TMEM120B: variants seen among roughly 807,000 people sequenced by gnomAD.
The protein encoded by TMEM120B is transmembrane protein 120B.
A neutral mutation model predicts 55.5 loss-of-function variants in TMEM120B; 31 were observed. That is an observed-to-expected ratio of 0.56 (90% CI 0.42 to 0.75). TMEM120B has a LOEUF of 0.75. Ranked by LOEUF, TMEM120B falls within the 30% of genes least tolerant of loss-of-function variation. The pLI, the probability that TMEM120B is intolerant of heterozygous loss-of-function variation, is 0.00. For missense variants in TMEM120B, 399 were observed against 425.5 expected (o/e 0.94, Z 0.55); for synonymous variants, 203 against 176.3 (o/e 1.15, Z -1.20).
chr12:121,757,141 G>T (rs917180083), intron 5 of TMEM120B, among the ~76,000 whole-genome samples: 3 of 18,006 alleles, frequency 1.7e-4, no homozygotes, highest in African/African-American at 4.2e-4. Context: ...CCTGGGCGGT[G>T]GGGGGGGGGG....
rs56702857 is a variant in TMEM120B at position 121,721,804 on chromosome 12, CTTTTTTTTTT to C, written c.69+8853_69+8862del. 2.7e-3 allele frequency among the ~76,000 whole-genome samples: 244 copies of C among 91,856 alleles called. 3 individuals are homozygous for C. Among genetic ancestry groups the C allele is most frequent in the African/African-American group, 0.011 (223 of 21,110 alleles). The allele number at this position is 91,856 out of a possible 152,430, so 60.3% of individuals were successfully genotyped here. A position where few individuals can be genotyped will look rare whatever the true frequency, so the allele number is the denominator to read the frequency against. On this transcript the variant is annotated intron_variant, in intron 1 of 11. Coordinates refer to ENST00000449592, the MANE Select transcript of TMEM120B (RefSeq NM_001080825.2). ...TTTTTTTTGAATGGAATCAGTTCTA[CTTTTTTTTTT>C]TTTTTTTTTTTTGAGACAGCGTCTT... is the stretch of plus-strand genomic sequence containing the variant.
At chr12:121,769,774 G>A (rs899250485) in intron 6 of TMEM120B, among the ~76,000 whole-genome samples, 1 of 151,598 alleles carries the variant, frequency 6.6e-6, no homozygotes, top group Non-Finnish European at 1.5e-5. Context: ...TTGAGCAGCT[G>A]CTTGGAACCC....
At chr12:121,749,872 G>A (rs1210046998) in intron 3 of TMEM120B, among the ~76,000 whole-genome samples, 3 of 149,670 alleles carry the variant, frequency 2.0e-5, no homozygotes, top group Non-Finnish European at 4.4e-5. Context: ...TGCCACTGCA[G>A]TCCAGTCTGG....
chr12:121,760,320 C>T (rs1873632039), intron 5 of TMEM120B, among the ~76,000 whole-genome samples: 1 of 151,670 alleles, frequency 6.6e-6, no homozygotes, highest in South Asian at 2.1e-4. Flanking sequence ...AAGTAAAGTA[C>T]ACTTAGAAGA....
At chr12:121,726,907 CAAAAAAA>C (rs71305665) in intron 1 of TMEM120B, among the ~76,000 whole-genome samples, 5 of 73,712 alleles carry the variant, frequency 6.8e-5, no homozygotes, top group East Asian at 3.9e-4. Context: ...GACTCTGTCT[CAAAAAAA>C]AAAAAAAAAA....
chr12:121,772,761 T>G (rs1874107211), intron 8 of TMEM120B, among the ~76,000 whole-genome samples: 1 of 152,220 alleles, frequency 6.6e-6, no homozygotes. Context: ...CATTTTAAGT[T>G]AAAACCTGCT....
chr12:121,758,947 C>T (rs546986985), intron 5 of TMEM120B: 122 of 983,810 alleles, frequency 1.2e-4, no homozygotes, highest in Admixed American at 2.5e-4. Flanking sequence ...GGCCCAGCCC[C>T]GCGCTGTGGT....
intron 6 of TMEM120B, among the ~76,000 whole-genome samples, chr12:121,768,492 G>A (rs979405054): frequency 5.9e-5 from 9 of 152,176 alleles, no homozygotes; most frequent in Non-Finnish European, 8.8e-5. Context: ...TACGATGTGC[G>A]TATGCGAGAC....
chr12:121,716,017 G>A (rs1592920318), intron 1 of TMEM120B, among the ~76,000 whole-genome samples: 1 of 149,962 alleles, frequency 6.7e-6, no homozygotes, highest in African/African-American at 2.5e-5. Flanking sequence ...TTGGGAGCTC[G>A]GTGCATTGGC....
In TMEM120B at chr12:121,775,914, TATTTAATGCTGGGTCCCCC is replaced by T. The variant is rs1382973521; in HGVS notation, c.*195_*213del. ...AGTGTCCGCCCACCTATTTATGACA[TATTTAATGCTGGGTCCCCC>T]ATCGTCCCTGGAACCCGAGGCCTCA... On this transcript the variant is annotated 3_prime_UTR_variant, in exon 12 of 12. Transcript: ENST00000449592. The surrounding 1 kb of genome is among the most constrained non-coding windows in gnomAD (Gnocchi z 4.3). The T allele has an allele frequency of 1.6e-6, 1 of 639,378 alleles. No individual in the cohort carries two copies. Among genetic ancestry groups the T allele is most frequent in the Non-Finnish European group, 2.8e-6 (1 of 363,464 alleles). The allele number at this position is 639,378 out of a possible 1,614,324, so 39.6% of individuals were successfully genotyped here.
chr12:121,760,292 C>T (rs1295706354), intron 5 of TMEM120B, among the ~76,000 whole-genome samples: 1 of 148,514 alleles, frequency 6.7e-6, no homozygotes, highest in East Asian at 1.9e-4. Flanking sequence ...GAGACTCTGT[C>T]TCAAAAAAAA....
rs375240756 is a variant in TMEM120B at position 121,781,175 on chromosome 12, G to A, written c.*5453G>A. 1.3e-5 allele frequency: 21 copies of A among 1,614,076 alleles called. No individual in the cohort carries two copies. Among genetic ancestry groups the A allele is most frequent in the South Asian group, 3.3e-5 (3 of 91,076 alleles). On this transcript the variant is annotated 3_prime_UTR_variant, in exon 12 of 12. Transcript: ENST00000449592. ...TTCTGGTAGGACAGGGGCCGCAGCC[G>A]GTCATAGTCTTCTTGCCCTGAAAGC... is the stretch of plus-strand genomic sequence containing the variant.
At chr12:121,773,287 G>T (rs1051770495) in intron 8 of TMEM120B, 134 bp from the exon 9 acceptor site, 5 of 689,726 alleles carry the variant, frequency 7.2e-6, no homozygotes, top group Non-Finnish European at 1.2e-5. Context: ...GGGCGTGGGA[G>T]AGGGTTGTAA....
In TMEM120B at chr12:121,775,604, C is replaced by T. The variant is rs1189212510; in HGVS notation, c.907-5C>T. 10 of 1,612,912 alleles carry T rather than the reference C, an allele frequency of 6.2e-6. No individual in the cohort carries two copies. Among genetic ancestry groups the T allele is most frequent in the African/African-American group, 1.3e-5 (1 of 74,998 alleles). ...AGCCTCGCCCTCCTCTCTGGACTCC[C>T]CCAGGTGTTCGTACTGGCGTTCACC... On this transcript the variant is annotated splice_polypyrimidine_tract_variant and splice_region_variant and intron_variant, in intron 11 of 11. Coordinates refer to ENST00000449592, the MANE Select transcript of TMEM120B (RefSeq NM_001080825.2). The surrounding 1 kb of genome is among the most constrained non-coding windows in gnomAD (Gnocchi z 4.3).
chr12:121,766,620 G>A (rs577159990), intron 6 of TMEM120B, among the ~76,000 whole-genome samples: 41 of 152,312 alleles, frequency 2.7e-4, no homozygotes, highest in African/African-American at 9.4e-4. Context: ...ACTGTTGCCA[G>A]AGGACTGCAG....
intron 1 of TMEM120B, among the ~76,000 whole-genome samples, chr12:121,735,696 C>CTT (rs1325236487): frequency 8.2e-5 from 10 of 122,246 alleles, no homozygotes; most frequent in African/African-American, 2.8e-4. Context: ...CGTGCCCGGC[C>CTT]TTTTTTTTTT....
In TMEM120B at chr12:121,779,939, T is replaced by TG. The variant is rs1421107113; in HGVS notation, c.*4219dup. The TG allele has an allele frequency of 3.1e-6, 1 of 319,660 alleles. No homozygotes were observed. The highest frequency in any genetic ancestry group is 4.3e-5 in the African/African-American group (1 of 23,062). The allele number at this position is 319,660 out of a possible 1,614,324, so 19.8% of individuals were successfully genotyped here. A position where few individuals can be genotyped will look rare whatever the true frequency, so the allele number is the denominator to read the frequency against. On this transcript the variant is annotated 3_prime_UTR_variant, in exon 12 of 12. Coordinates refer to ENST00000449592, the MANE Select transcript of TMEM120B (RefSeq NM_001080825.2). The stretch of plus-strand genomic sequence containing the variant: ...GGGGCTGAATCCTGAGACCCGGGGT[T>TG]GGTTCCCCCAGGTGTCTCCCAGGCC...
At position 121,781,588 on chromosome 12, in the gene TMEM120B, A is replaced by C; in HGVS notation, c.*5866A>C. ...CTGATTCTAGGGCTGGGGCTGGAGAAACTGCTAGAGATGATGCCGATAGCC... is the reference window on the plus strand; with the variant it reads ...CTGATTCTAGGGCTGGGGCTGGAGACACTGCTAGAGATGATGCCGATAGCC... On this transcript the variant is annotated 3_prime_UTR_variant, in exon 12 of 12. Coordinates refer to ENST00000449592, the MANE Select transcript of TMEM120B (RefSeq NM_001080825.2). 4.5e-6 allele frequency: 1 copy of C among 221,012 alleles called. No individual in the cohort carries two copies. Among genetic ancestry groups the C allele is most frequent in the Non-Finnish European group, 9.2e-6 (1 of 108,488 alleles). 13.7% of individuals were successfully genotyped at this position (221,012 alleles called of 1,614,324 possible). A position where few individuals can be genotyped will look rare whatever the true frequency, so the allele number is the denominator to read the frequency against.
intron 6 of TMEM120B, among the ~76,000 whole-genome samples, chr12:121,770,537 G>A (rs1410235184): frequency 6.6e-6 from 1 of 152,034 alleles, no homozygotes; most frequent in Admixed American, 6.6e-5. Flanking sequence ...GGGCCTGCGT[G>A]CTGGGGAGAA....
Sources: gnomAD v4.1 joint callset for allele counts (sites outside exome capture counted in the v4.1 genomes callset) on GRCh38, gnomAD v4.1.1 for gene constraint, Gnocchi (gnomAD v3.1) non-coding constraint, MANE v1.5 for transcripts, NCBI Gene and HGNC (gene_info 2026-07-23, HGNC 2026-07-21) for gene names.